NEURL1: variants seen among roughly 807,000 people sequenced by gnomAD.
The protein encoded by NEURL1 is neuralized E3 ubiquitin protein ligase 1.
A neutral mutation model predicts 41.2 loss-of-function variants in NEURL1; 26 were observed. The observed-to-expected ratio is 0.63, with a 90% confidence interval of 0.46 to 0.87. NEURL1 has a LOEUF of 0.87. Ranked by LOEUF, NEURL1 falls within the 40% of genes least tolerant of loss-of-function variation. The pLI is 0.00. For missense variants in NEURL1, 761 were observed against 871.1 expected (o/e 0.87, Z 1.59); for synonymous variants, 400 against 402.3 (o/e 0.99, Z 0.07).
intron 1 of NEURL1, among the ~76,000 whole-genome samples, chr10:103,522,737 C>A (rs1004891340): frequency 6.6e-6 from 1 of 151,412 alleles, no homozygotes; most frequent in South Asian, 2.1e-4. Context: ...TTCACCAAAA[C>A]ACACGAATTT....
At chr10:103,509,181 A>G (rs2986055) in intron 1 of NEURL1, among the ~76,000 whole-genome samples, 74,489 of 150,642 alleles carry the variant, frequency 0.49, 19,209 homozygotes, top group African/African-American at 0.63. Flanking sequence ...GCAGTGAGCC[A>G]AGATCGCACC....
chr10:103,592,156 C>G lies in NEURL1; in HGVS notation c.*1784C>G, dbSNP rs2036064427. On this transcript the variant is annotated 3_prime_UTR_variant, in exon 6 of 6. Coordinates refer to ENST00000369780, the MANE Select transcript of NEURL1 (RefSeq NM_004210.5). The surrounding 1 kb of genome is among the most constrained non-coding windows in gnomAD (Gnocchi z 4.8). ...TGTGTGGCCCTGGCCGAGTCGTAGC[C>G]CCCTGGAGCCCAGCTTCCATTTCTA... 1 of 152,292 alleles carries G rather than the reference C, an allele frequency of 6.6e-6. No individual in the cohort carries two copies. Among genetic ancestry groups the G allele is most frequent in the Admixed American group, 6.5e-5 (1 of 15,284 alleles). The allele number at this position is 152,292 out of a possible 1,614,324, so 9.4% of individuals were successfully genotyped here.
chr10:103,505,581 T>C (rs947313790), intron 1 of NEURL1, among the ~76,000 whole-genome samples: 5 of 151,702 alleles, frequency 3.3e-5, no homozygotes, highest in Non-Finnish European at 7.4e-5. Context: ...CCCAGGCTGG[T>C]CTCAAACTCC....
At chr10:103,510,425 G>A (rs2034042775) in intron 1 of NEURL1, among the ~76,000 whole-genome samples, 1 of 152,174 alleles carries the variant, frequency 6.6e-6, no homozygotes. Flanking sequence ...AACGTGTGCT[G>A]AGCGGCCCCT....
intron 1 of NEURL1, among the ~76,000 whole-genome samples, chr10:103,539,712 G>A (rs1461334374): frequency 6.6e-6 from 1 of 152,214 alleles, no homozygotes; most frequent in Non-Finnish European, 1.5e-5. Flanking sequence ...TAACTTGAGC[G>A]TGCAATGTGT....
chr10:103,512,604 C>G (rs1298121009), intron 1 of NEURL1, among the ~76,000 whole-genome samples: 1 of 152,118 alleles, frequency 6.6e-6, no homozygotes, highest in Non-Finnish European at 1.5e-5. Context: ...CAAGACCAGC[C>G]TGGGTGACAT....
Position 103,508,284 on chromosome 10 carries a change from G to T in NEURL1, c.85+13812G>T, listed in dbSNP as rs923517269. Among the ~76,000 whole-genome samples the T allele has an allele frequency of 6.6e-6, 1 of 152,216 alleles. No individual in the cohort carries two copies. Among genetic ancestry groups the T allele is most frequent in the African/African-American group, 2.4e-5 (1 of 41,466 alleles). On this transcript the variant is annotated intron_variant, in intron 1 of 5. Coordinates refer to ENST00000369780, the MANE Select transcript of NEURL1 (RefSeq NM_004210.5). The surrounding 1 kb of genome is among the most constrained non-coding windows in gnomAD (Gnocchi z 4.3). ...ACTTTACAGAGGAGACACTGAGTCCGAATTGCCACAGGACTGTGAAAGTCC... is the reference window on the plus strand; with the variant it reads ...ACTTTACAGAGGAGACACTGAGTCCTAATTGCCACAGGACTGTGAAAGTCC...
At chr10:103,517,014 C>T (rs2034227949) in intron 1 of NEURL1, among the ~76,000 whole-genome samples, 1 of 144,470 alleles carries the variant, frequency 6.9e-6, no homozygotes. Context: ...TCCTTCCTCC[C>T]TCCCTCCCTC....
At chr10:103,579,578 C>T (rs143159835) in intron 3 of NEURL1, among the ~76,000 whole-genome samples, 3 of 152,276 alleles carry the variant, frequency 2.0e-5, no homozygotes, top group African/African-American at 7.2e-5. Flanking sequence ...TTCCTAGTAC[C>T]TTAGTTCCTC....
At chr10:103,582,897 G>T (rs1350025580) in intron 3 of NEURL1, among the ~76,000 whole-genome samples, 3 of 152,230 alleles carry the variant, frequency 2.0e-5, no homozygotes, top group Non-Finnish European at 4.4e-5. Flanking sequence ...GTCTGGAAGT[G>T]AAGAATGCGG....
intron 1 of NEURL1, among the ~76,000 whole-genome samples, chr10:103,512,865 G>A (rs1012601253): frequency 6.6e-6 from 1 of 152,134 alleles, no homozygotes; most frequent in African/African-American, 2.4e-5. Flanking sequence ...TGTCCAGGAA[G>A]TGGCTGGGTC....
intron 3 of NEURL1, among the ~76,000 whole-genome samples, chr10:103,573,609 C>G (rs909271005): frequency 6.6e-6 from 1 of 152,134 alleles, no homozygotes; most frequent in African/African-American, 2.4e-5. Flanking sequence ...TGAGTTTGAG[C>G]TCTAACCTGA....
chr10:103,585,013 C>T lies in NEURL1; in HGVS notation c.1127C>T (p.Ala376Val), dbSNP rs767598596. The T allele has an allele frequency of 6.3e-7, 1 of 1,579,580 alleles. No individual in the cohort carries two copies. Reference sequence around the variant, plus strand: ...GCCGACCTGCCTTTCAGCCCTGAGGCCCTGGTGGACCGCAAGGAATTCTGG... The same window carrying T: ...GCCGACCTGCCTTTCAGCCCTGAGGTCCTGGTGGACCGCAAGGAATTCTGG... The part of the protein sequence containing the change: ...RPADLPFSPE[A>V]LVDRKEFWAV... Residue 376 changes from alanine (A) to valine (V), a missense_variant, in exon 4 of 6, where the codon GCC (alanine) becomes GTC (valine). Transcript: ENST00000369780.
intron 4 of NEURL1, among the ~76,000 whole-genome samples, chr10:103,588,552 T>C (rs1201868122): frequency 3.9e-5 from 6 of 152,034 alleles, no homozygotes; most frequent in Admixed American, 3.9e-4. Flanking sequence ...TGTCTCTAGC[T>C]TTCTGTCTGC....
rs2035830107 is a variant in NEURL1, at chr10:103,583,627, G to A, written c.650-909G>A. ...GGAGGCTGAGGTGAGGATGGCTTGA[G>A]CCTGGGAGGCGGAGGTTGCTGTAAG... On this transcript the variant is annotated intron_variant, in intron 3 of 5. Transcript: ENST00000369780. Among the ~76,000 whole-genome samples, 3 of 144,168 alleles carry A rather than the reference G, an allele frequency of 2.1e-5. No individual in the cohort carries two copies. The South Asian group carries it at 6.8e-4, about 33-fold the overall frequency. The allele number at this position is 144,168 out of a possible 152,430, so 94.6% of individuals were successfully genotyped here. A position where few individuals can be genotyped will look rare whatever the true frequency, so the allele number is the denominator to read the frequency against.
intron 1 of NEURL1, among the ~76,000 whole-genome samples, chr10:103,501,240 C>A (rs1204587092): frequency 6.6e-6 from 1 of 152,118 alleles, no homozygotes; most frequent in African/African-American, 2.4e-5. Flanking sequence ...AGCTTTTGAG[C>A]AAGATGCATG....
chr10:103,505,443 T>A (rs984366121), intron 1 of NEURL1, among the ~76,000 whole-genome samples: 1 of 152,216 alleles, frequency 6.6e-6, no homozygotes, highest in Non-Finnish European at 1.5e-5. Flanking sequence ...CAGGCTGGTC[T>A]TGAACTCCTG....
intron 1 of NEURL1, among the ~76,000 whole-genome samples, chr10:103,520,408 G>A (rs1014010002): frequency 6.6e-6 from 1 of 152,098 alleles, no homozygotes; most frequent in Non-Finnish European, 1.5e-5. Context: ...CAGGGGCGAG[G>A]GTCACAAGGT....
At chr10:103,496,075 A>G (rs577729942) in intron 1 of NEURL1, among the ~76,000 whole-genome samples, 1 of 151,384 alleles carries the variant, frequency 6.6e-6, no homozygotes, top group Non-Finnish European at 1.5e-5. Context: ...GTTCCACTGC[A>G]CTCCAGCCTG....
Sources: allele counts gnomAD v4.1 joint callset (sites outside exome capture counted in the v4.1 genomes callset), GRCh38; gene constraint gnomAD v4.1.1; non-coding constraint Gnocchi (gnomAD v3.1); transcripts MANE v1.5; gene names NCBI Gene and HGNC (gene_info 2026-07-23, HGNC 2026-07-21).